The following CNTN4 variants were observed in gnomAD, a reference collection of about 807,000 sequenced individuals.
CNTN4 encodes contactin-4.
In CNTN4, 77 loss-of-function variants were observed where a neutral mutation model predicts 122.5. That is an observed-to-expected ratio of 0.63 (90% CI 0.52 to 0.76). The LOEUF (loss-of-function observed/expected upper bound fraction) is 0.76. CNTN4 is among the 30% of genes least tolerant of loss of function. CNTN4 has a pLI of 0.00. For synonymous variants in CNTN4, 512 were observed against 447.0 expected (o/e 1.15, Z -1.83); for missense variants, 1,256 against 1,259.1 (o/e 1.00, Z 0.04).
At chr3:2,758,651 C>A (rs902426364) in intron 6 of CNTN4, among the ~76,000 whole-genome samples, 4 of 151,274 alleles carry the variant, frequency 2.6e-5, no homozygotes, top group African/African-American at 9.7e-5. Flanking sequence ...GGATTACAGG[C>A]GCACATCACC....
At chr3:2,688,911 G>A (rs1284178526) in intron 4 of CNTN4, among the ~76,000 whole-genome samples, 1 of 152,156 alleles carries the variant, frequency 6.6e-6, no homozygotes, top group East Asian at 1.9e-4. Flanking sequence ...GAACCATTAA[G>A]CTACAGAACA....
At chr3:2,444,700 A>T (rs1184634547) in intron 3 of CNTN4, among the ~76,000 whole-genome samples, 4 of 152,262 alleles carry the variant, frequency 2.6e-5, no homozygotes. Context: ...AGAGTCTGCC[A>T]TTACCACTGC....
At chr3:2,539,280 G>A (rs892627017) in intron 3 of CNTN4, among the ~76,000 whole-genome samples, 9 of 152,026 alleles carry the variant, frequency 5.9e-5, no homozygotes, top group Non-Finnish European at 1.2e-4. Context: ...TTAGTAATCA[G>A]AATTCTGATT....
intron 2 of CNTN4, among the ~76,000 whole-genome samples, chr3:2,180,349 C>T (rs1407305688): frequency 1.3e-5 from 2 of 151,928 alleles, no homozygotes; most frequent in African/African-American, 4.8e-5. Context: ...TGTTACTTTA[C>T]AGGTTAGAAA....
chr3:2,612,535 A>T (rs17017279), intron 4 of CNTN4, among the ~76,000 whole-genome samples: 8,229 of 152,142 alleles, frequency 0.054, 748 homozygotes, highest in African/African-American at 0.19. Context: ...AAGTCAAGAT[A>T]CAACATATAC....
chr3:2,298,907 G>C (rs921954971), intron 2 of CNTN4, among the ~76,000 whole-genome samples: 1 of 152,156 alleles, frequency 6.6e-6, no homozygotes, highest in African/African-American at 2.4e-5. Flanking sequence ...TGGTATATGA[G>C]AATTTGTATT....
In CNTN4 at chr3:2,860,626, C is replaced by A. The variant is rs934957580; in HGVS notation, c.455-6126C>A. 2.6e-5 allele frequency among the ~76,000 whole-genome samples: 4 copies of A among 152,282 alleles called. No individual in the cohort carries two copies. In the East Asian group the frequency reaches 7.7e-4, roughly 29 times the overall value. On this transcript the variant is annotated intron_variant, in intron 7 of 24. Coordinates refer to ENST00000418658, the MANE Select transcript of CNTN4 (RefSeq NM_175607.3). ...TACAATATCTCTCCCATTTCCACACCTTCAGATCTCAACTCATCTAAGACA... is the reference window on the plus strand; with the variant it reads ...TACAATATCTCTCCCATTTCCACACATTCAGATCTCAACTCATCTAAGACA...
At chr3:2,962,958 G>A (rs1218746879) in intron 13 of CNTN4, among the ~76,000 whole-genome samples, 2 of 152,048 alleles carry the variant, frequency 1.3e-5, no homozygotes, top group Admixed American at 6.6e-5. Flanking sequence ...CTCTCAAATG[G>A]TGGTGCCTTG....
chr3:2,607,781 A>T (rs1323446611), intron 4 of CNTN4, among the ~76,000 whole-genome samples: 1 of 152,186 alleles, frequency 6.6e-6, no homozygotes, highest in Non-Finnish European at 1.5e-5. Context: ...ATATGTTTTT[A>T]ACCAATCTGT....
chr3:2,289,279 A>G (rs751124471), intron 2 of CNTN4, among the ~76,000 whole-genome samples: 2 of 152,216 alleles, frequency 1.3e-5, no homozygotes, highest in African/African-American at 2.4e-5. Context: ...CAGAGAGACT[A>G]AATGTCATTT....
intron 3 of CNTN4, among the ~76,000 whole-genome samples, chr3:2,549,660 C>CT (rs1490807679): frequency 6.6e-6 from 1 of 152,024 alleles, no homozygotes; most frequent in Non-Finnish European, 1.5e-5. Flanking sequence ...CTGAAATTTT[C>CT]TTTTTTGTGT....
intron 4 of CNTN4, among the ~76,000 whole-genome samples, chr3:2,658,811 T>A (rs1200215980): frequency 1.3e-5 from 2 of 152,164 alleles, no homozygotes; most frequent in African/African-American, 4.8e-5. Context: ...TTCAAGCCTT[T>A]TTTTATAATG....
rs1214628299 is a variant in CNTN4, at chr3:2,931,407, AGG to A, written c.1358+5632_1358+5633del. On this transcript the variant is annotated intron_variant, in intron 13 of 24. Coordinates refer to ENST00000418658, the MANE Select transcript of CNTN4 (RefSeq NM_175607.3). ...TAAACAGAGAAGGAGCAAGACTGAG[AGG>A]GGGCAAATAAAGAGGTTACTGTTAG... Among the ~76,000 whole-genome samples the A allele has an allele frequency of 3.3e-5, 5 of 152,166 alleles. No individual in the cohort carries two copies. In the East Asian group the frequency reaches 9.7e-4, roughly 29 times the overall value.
chr3:2,842,319 C>A (rs544327452), intron 7 of CNTN4, among the ~76,000 whole-genome samples: 14 of 152,108 alleles, frequency 9.2e-5, no homozygotes, highest in African/African-American at 2.9e-4. Context: ...CCCACTCAAC[C>A]CAAACACAAA....
chr3:2,173,535 A>G (rs1022670088), intron 2 of CNTN4, among the ~76,000 whole-genome samples: 1 of 152,224 alleles, frequency 6.6e-6, no homozygotes, highest in African/African-American at 2.4e-5. Context: ...TTGTGGGGAT[A>G]TCAAACTGTT....
chr3:2,608,145 G>A lies in CNTN4; in HGVS notation c.55+36587G>A, dbSNP rs1292403665. Reference sequence around the variant, plus strand: ...TAGTGAAATTTGAGGCATTGTTTCAGCCACCTTAAAGACCACATGATCTAC... The same window carrying A: ...TAGTGAAATTTGAGGCATTGTTTCAACCACCTTAAAGACCACATGATCTAC... On this transcript the variant is annotated intron_variant, in intron 4 of 24. Transcript: ENST00000418658. Among the ~76,000 whole-genome samples the A allele has an allele frequency of 1.3e-5, 2 of 152,164 alleles. 1 individual carries two copies. The highest frequency in any genetic ancestry group is 2.9e-5 in the Non-Finnish European group (2 of 68,042).
chr3:2,665,410 A>C (rs1443566055), intron 4 of CNTN4, among the ~76,000 whole-genome samples: 1 of 152,212 alleles, frequency 6.6e-6, no homozygotes, highest in Non-Finnish European at 1.5e-5. Context: ...ATAGGGAATG[A>C]AATGATAAAC....
chr3:2,583,044 C>A (rs2080017948), intron 4 of CNTN4, among the ~76,000 whole-genome samples: 2 of 152,136 alleles, frequency 1.3e-5, no homozygotes, highest in Admixed American at 1.3e-4. Flanking sequence ...AATCTAAACT[C>A]CCCAGTTTCA....
intron 2 of CNTN4, among the ~76,000 whole-genome samples, chr3:2,296,199 T>A (rs9815571): frequency 0.31 from 47,619 of 151,962 alleles, 7,967 homozygotes; most frequent in East Asian, 0.57. Context: ...AAGTAGTTTT[T>A]TCCAGTTCTG....
Sources: gnomAD v4.1 joint callset for allele counts (sites outside exome capture counted in the v4.1 genomes callset) on GRCh38, gnomAD v4.1.1 for gene constraint, MANE v1.5 for transcripts, NCBI Gene and HGNC (gene_info 2026-07-23, HGNC 2026-07-21) for gene names.